Variants in GAB2 observed in about 807,000 individuals in gnomAD.
GAB2 encodes the protein GRB2-associated-binding protein 2.
Under a neutral mutation model 65.5 loss-of-function variants are expected in GAB2, and 26 were observed. That is an observed-to-expected ratio of 0.40 (90% CI 0.29 to 0.55). The LOEUF (loss-of-function observed/expected upper bound fraction) is 0.55. GAB2 is among the 20% of genes least tolerant of loss of function. The probability of loss-of-function intolerance (pLI) is 0.53; values close to 1 mark genes in which losing one functional copy is unlikely to be tolerated. For missense variants in GAB2, 884 were observed against 875.8 expected (o/e 1.01, Z -0.12); for synonymous variants, 321 against 329.6 (o/e 0.97, Z 0.28).
intron 3 of GAB2, among the ~76,000 whole-genome samples, chr11:78,233,816 A>G (rs966252193): frequency 2.6e-5 from 4 of 152,104 alleles, no homozygotes; most frequent in Non-Finnish European, 4.4e-5. Context: ...GCTTCACCAT[A>G]TTGGCCAGGC....
intron 3 of GAB2, among the ~76,000 whole-genome samples, chr11:78,242,784 A>C (rs1160249689): frequency 1.3e-5 from 2 of 152,250 alleles, no homozygotes; most frequent in African/African-American, 4.8e-5. Flanking sequence ...ACTGATCAAC[A>C]AAATGAAGTT....
intron 1 of GAB2, among the ~76,000 whole-genome samples, chr11:78,306,298 T>C (rs1307152073): frequency 1.3e-5 from 2 of 152,202 alleles, no homozygotes; most frequent in African/African-American, 4.8e-5. Flanking sequence ...TGGTGCGCCC[T>C]TGGCTCACTG....
chr11:78,344,346 T>C (rs963821748), intron 1 of GAB2, among the ~76,000 whole-genome samples: 1 of 151,918 alleles, frequency 6.6e-6, no homozygotes, highest in Non-Finnish European at 1.5e-5. Flanking sequence ...TTTTCTTCAA[T>C]CAGGAAAAAA....
At position 78,216,349 on chromosome 11, in the gene GAB2, G is replaced by GC. The variant is rs1238851018; in HGVS notation, c.*2922dup. ...TTTCCGTAGGCTCAGTCCTCTCCAG[G>GC]CCCCCAGGAGAGGTGGACTTTGACC... On this transcript the variant is annotated 3_prime_UTR_variant, in exon 10 of 10. Coordinates refer to ENST00000361507, the MANE Select transcript of GAB2 (RefSeq NM_080491.3). The GC allele has an allele frequency of 5.9e-5, 9 of 152,198 alleles. No individual in the cohort carries two copies. The highest frequency in any genetic ancestry group is 1.3e-4 in the Non-Finnish European group (9 of 68,052). 9.4% of individuals were successfully genotyped at this position (152,198 alleles called of 1,614,324 possible). A position where few individuals can be genotyped will look rare whatever the true frequency, so the allele number is the denominator to read the frequency against.
chr11:78,309,868 T>A (rs1855450883), intron 1 of GAB2, among the ~76,000 whole-genome samples: 1 of 151,612 alleles, frequency 6.6e-6, no homozygotes, highest in South Asian at 2.1e-4. Flanking sequence ...GAGAGAGGTG[T>A]CTGGTTATAA....
rs558004036 is a variant in GAB2, at chr11:78,337,570, A to AT, written c.76-56670dup. On this transcript the variant is annotated intron_variant, in intron 1 of 9. Transcript: ENST00000361507. ...AAAGAAGGTGGAAGTTGGAGAAAGA[A>AT]TGGTAGAGTATTAGGCAAAGAAAAT... Among the ~76,000 whole-genome samples the AT allele has an allele frequency of 1.1e-3, 175 of 152,356 alleles. 1 individual carries two copies. The highest frequency in any genetic ancestry group is 4.0e-3 in the African/African-American group (165 of 41,596).
chr11:78,394,279 C>T (rs569576741), intron 1 of GAB2, among the ~76,000 whole-genome samples: 1 of 151,978 alleles, frequency 6.6e-6, no homozygotes, highest in African/African-American at 2.4e-5. Flanking sequence ...CAGAGCAAGA[C>T]TCCATCTCAA....
chr11:78,414,998 A>G (rs1565190638), intron 1 of GAB2, among the ~76,000 whole-genome samples: 1 of 152,034 alleles, frequency 6.6e-6, no homozygotes, highest in South Asian at 2.1e-4. Flanking sequence ...CAGCCTCCTG[A>G]GTAGCTGGGA....
intron 2 of GAB2, among the ~76,000 whole-genome samples, chr11:78,253,970 G>GT (rs1486213516): frequency 3.9e-5 from 6 of 152,158 alleles, no homozygotes; most frequent in South Asian, 4.1e-4. Context: ...TGCCCCCTAT[G>GT]TTGAATGCTT....
intron 1 of GAB2, among the ~76,000 whole-genome samples, chr11:78,289,840 T>A (rs930866399): frequency 1.4e-5 from 2 of 144,618 alleles, no homozygotes; most frequent in Admixed American, 1.4e-4. Context: ...TTTTTTTTTT[T>A]AAATACAACA....
chr11:78,325,049 C>G (rs1230279792), intron 1 of GAB2, among the ~76,000 whole-genome samples: 1 of 152,144 alleles, frequency 6.6e-6, no homozygotes. Flanking sequence ...ACCAGGGCAT[C>G]TTATTTTTTT....
At chr11:78,354,976 T>C (rs1591061599) in intron 1 of GAB2, among the ~76,000 whole-genome samples, 1 of 152,250 alleles carries the variant, frequency 6.6e-6, no homozygotes, top group African/African-American at 2.4e-5. Context: ...GACTCCACTT[T>C]CACTGTTCAA....
intron 1 of GAB2, among the ~76,000 whole-genome samples, chr11:78,295,893 A>G (rs1037891068): frequency 1.3e-5 from 2 of 152,176 alleles, no homozygotes; most frequent in African/African-American, 4.8e-5. Context: ...CAGCACAAAC[A>G]CTGTATTAGT....
At chr11:78,341,011 C>A (rs1856084203) in intron 1 of GAB2, among the ~76,000 whole-genome samples, 1 of 152,176 alleles carries the variant, frequency 6.6e-6, no homozygotes, top group African/African-American at 2.4e-5. Context: ...TCTTCAGCAA[C>A]ATTCAAAGAT....
intron 1 of GAB2, among the ~76,000 whole-genome samples, chr11:78,380,311 GATT>G (rs1346851713): frequency 6.6e-6 from 1 of 151,890 alleles, no homozygotes; most frequent in Non-Finnish European, 1.5e-5. Flanking sequence ...GGGTTCAAGT[GATT>G]CTGCCTCAGC....
chr11:78,291,163 T>C (rs1164691827), intron 1 of GAB2, among the ~76,000 whole-genome samples: 1 of 150,280 alleles, frequency 6.7e-6, no homozygotes, highest in Non-Finnish European at 1.5e-5. Flanking sequence ...GCTCAAAGAG[T>C]AGATCAAGGC....
At chr11:78,268,826 C>A (rs961336655) in intron 2 of GAB2, among the ~76,000 whole-genome samples, 6 of 151,460 alleles carry the variant, frequency 4.0e-5, no homozygotes, top group African/African-American at 1.5e-4. Flanking sequence ...TTTCCTCCTT[C>A]AGAGGATTTG....
chr11:78,326,341 T>C lies in GAB2; in HGVS notation c.76-45440A>G, dbSNP rs1470353698. On this transcript the variant is annotated intron_variant, in intron 1 of 9. Transcript: ENST00000361507. ...CACAAACACCACTGAAATGCAAACATTACTTAAGGTCACACTGAGAAACTT... is the reference window on the plus strand; with the variant it reads ...CACAAACACCACTGAAATGCAAACACTACTTAAGGTCACACTGAGAAACTT... Among the ~76,000 whole-genome samples the C allele has an allele frequency of 2.0e-5, 3 of 152,284 alleles. 1 individual carries two copies. The highest frequency in any genetic ancestry group is 4.1e-4 in the South Asian group (2 of 4,826).
intron 1 of GAB2, among the ~76,000 whole-genome samples, chr11:78,358,939 C>A (rs1249399951): frequency 1.3e-5 from 2 of 151,822 alleles, no homozygotes; most frequent in African/African-American, 4.8e-5. Context: ...AACTGAATGT[C>A]CAAAAATGAA....
Sources: allele counts gnomAD v4.1 joint callset (sites outside exome capture counted in the v4.1 genomes callset), GRCh38; gene constraint gnomAD v4.1.1; transcripts MANE v1.5; gene names NCBI Gene and HGNC (gene_info 2026-07-23, HGNC 2026-07-21).